Variants in SUPT3H observed in about 807,000 individuals in gnomAD.
SUPT3H encodes the protein SPT3 homolog, SAGA and STAGA complex component.
Under a neutral mutation model 44.3 loss-of-function variants are expected in SUPT3H, and 44 were observed. The ratio of observed to expected loss-of-function variants is 0.99; its 90% CI spans 0.78 to 1.28. The LOEUF is 1.28. SUPT3H is among the 50% of genes most tolerant of loss of function. SUPT3H has a pLI of 0.00. For missense variants in SUPT3H, 380 were observed against 387.1 expected, an observed-to-expected ratio of 0.98 and a Z score of 0.15; for synonymous variants, 124 against 125.6, an observed-to-expected ratio of 0.99 and a Z score of 0.09.
At chr6:45,069,661 T>A (rs149130455) in intron 3 of SUPT3H, among the ~76,000 whole-genome samples, 7 of 152,272 alleles carry the variant, frequency 4.6e-5, no homozygotes, top group Admixed American at 2.6e-4. Flanking sequence ...TTAAGCATTA[T>A]ACTAAAAATA....
chr6:45,278,763 A>G (rs1777448219), intron 2 of SUPT3H, among the ~76,000 whole-genome samples: 2 of 152,236 alleles, frequency 1.3e-5, no homozygotes, highest in Admixed American at 6.5e-5. Flanking sequence ...GACTTGTTCA[A>G]TACAGATTAT....
intron 2 of SUPT3H, among the ~76,000 whole-genome samples, chr6:45,285,847 C>G (rs531026167): frequency 6.6e-6 from 1 of 152,130 alleles, no homozygotes; most frequent in Admixed American, 6.5e-5. Flanking sequence ...TCAAACTATA[C>G]TACAAGGTGA....
intron 9 of SUPT3H, among the ~76,000 whole-genome samples, chr6:44,947,767 A>G (rs1324704085): frequency 6.6e-6 from 1 of 152,204 alleles, no homozygotes; most frequent in Non-Finnish European, 1.5e-5. Flanking sequence ...CTTTCAGCAA[A>G]TAGTTCTGCA....
Position 45,217,742 on chromosome 6 carries a change from T to C in SUPT3H, c.102-111736A>G, listed in dbSNP as rs191976238. ...CCAGTCTCTACAAAAATACAAAAAT[T>C]AGCCAGGCGTGGTGACGTGTGCCTG... is the stretch of plus-strand genomic sequence containing the variant. On this transcript the variant is annotated intron_variant, in intron 2 of 10. Transcript: ENST00000371459. 1.1e-3 allele frequency among the ~76,000 whole-genome samples: 166 copies of C among 151,922 alleles called. 1 individual carries two copies. The highest frequency in any genetic ancestry group is 3.5e-3 in the African/African-American group (145 of 41,446).
At chr6:45,269,794 TA>T (rs1254577848) in intron 2 of SUPT3H, among the ~76,000 whole-genome samples, 1 of 152,234 alleles carries the variant, frequency 6.6e-6, no homozygotes, top group Non-Finnish European at 1.5e-5. Flanking sequence ...TCACATACCA[TA>T]AAATCCATCC....
chr6:44,888,818 G>T (rs545138591), intron 10 of SUPT3H, among the ~76,000 whole-genome samples: 8 of 151,984 alleles, frequency 5.3e-5, no homozygotes, highest in African/African-American at 1.9e-4. Flanking sequence ...AAAAGAAGAA[G>T]TCAAATTGTC....
intron 3 of SUPT3H, among the ~76,000 whole-genome samples, chr6:45,100,562 A>AAAAAAC (rs1412317865): frequency 1.3e-5 from 2 of 149,322 alleles, no homozygotes; most frequent in Non-Finnish European, 3.0e-5. Flanking sequence ...AAAAAAAAAA[A>AAAAAAC]AAGACACACA....
chr6:45,117,880 T>A (rs935045316), intron 2 of SUPT3H, among the ~76,000 whole-genome samples: 2 of 152,088 alleles, frequency 1.3e-5, no homozygotes, highest in African/African-American at 4.8e-5. Context: ...CAGTCACTTT[T>A]AAGAACATTA....
chr6:45,370,227 G>T (rs1188822998), intron 1 of SUPT3H, among the ~76,000 whole-genome samples: 3 of 152,178 alleles, frequency 2.0e-5, no homozygotes, highest in Non-Finnish European at 2.9e-5. Flanking sequence ...GAGATGATGA[G>T]AAGTGGTCAG....
chr6:45,069,161 T>C (rs947278649), intron 3 of SUPT3H, among the ~76,000 whole-genome samples: 3 of 152,126 alleles, frequency 2.0e-5, no homozygotes, highest in African/African-American at 7.2e-5. Flanking sequence ...ATCTGTGGCC[T>C]TGTAACCAAG....
chr6:45,241,070 T>C (rs1216056082), intron 2 of SUPT3H, among the ~76,000 whole-genome samples: 1 of 152,206 alleles, frequency 6.6e-6, no homozygotes, highest in Non-Finnish European at 1.5e-5. Flanking sequence ...ATGATTGTGC[T>C]TTTAATCTGT....
intron 10 of SUPT3H, chr6:44,899,374 TA>T (rs1561996334): frequency 6.6e-6 from 1 of 152,194 alleles, no homozygotes; most frequent in African/African-American, 2.4e-5. Context: ...GCTTGAAATT[TA>T]AGGAAATTTG....
intron 3 of SUPT3H, among the ~76,000 whole-genome samples, chr6:45,050,380 A>G (rs1187498255): frequency 6.6e-6 from 1 of 151,994 alleles, no homozygotes; most frequent in East Asian, 1.9e-4. Context: ...ACATTTTCCC[A>G]AGAATATTTG....
In SUPT3H at chr6:45,376,572, G is replaced by A. The variant is rs1796804271; in HGVS notation, c.-1+1196C>T. ...GAACATCTCCATCAAGGCAGAAACT[G>A]CTAGTGAAAAGTGCAGCCCTAGACT... On this transcript the variant is annotated intron_variant, in intron 1 of 10. Transcript: ENST00000371459. 2.0e-5 allele frequency among the ~76,000 whole-genome samples: 3 copies of A among 152,228 alleles called. No homozygotes were observed. The South Asian group carries it at 6.2e-4, about 32-fold the overall frequency.
intron 5 of SUPT3H, among the ~76,000 whole-genome samples, chr6:45,004,973 C>T (rs1035894740): frequency 9.2e-5 from 14 of 152,106 alleles, no homozygotes; most frequent in African/African-American, 3.4e-4. Context: ...TTTTTGCTAC[C>T]CAGGGGAAAT....
chr6:44,980,527 T>C (rs1467225104), intron 6 of SUPT3H, among the ~76,000 whole-genome samples: 1 of 152,156 alleles, frequency 6.6e-6, no homozygotes, highest in Admixed American at 6.5e-5. Flanking sequence ...GTAAGAGAAA[T>C]GCAGATTTTC....
At chr6:44,956,013 T>A (rs1281733321) in intron 7 of SUPT3H, among the ~76,000 whole-genome samples, 1 of 151,202 alleles carries the variant, frequency 6.6e-6, no homozygotes, top group East Asian at 2.0e-4. Flanking sequence ...TCCCAGCTAC[T>A]TGGGAGGCTG....
intron 9 of SUPT3H, among the ~76,000 whole-genome samples, chr6:44,941,214 T>C (rs1210172949): frequency 1.3e-5 from 2 of 152,150 alleles, no homozygotes; most frequent in Non-Finnish European, 1.5e-5. Flanking sequence ...CTTTGTGTGA[T>C]ATTTTATAAG....
intron 4 of SUPT3H, among the ~76,000 whole-genome samples, chr6:45,020,326 T>C (rs1784940257): frequency 6.6e-6 from 1 of 151,934 alleles, no homozygotes; most frequent in South Asian, 2.1e-4. Context: ...TAAGTGAGGG[T>C]TCGCTGTTAG....
Sources: allele counts gnomAD v4.1 joint callset (sites outside exome capture counted in the v4.1 genomes callset), GRCh38; gene constraint gnomAD v4.1.1; transcripts MANE v1.5; gene names NCBI Gene and HGNC (gene_info 2026-07-23, HGNC 2026-07-21).